Variants in F8 observed in about 807,000 individuals in gnomAD.
F8 encodes antihemophilic factor.
A neutral mutation model predicts 140.6 loss-of-function variants in F8; 12 were observed. That is an observed-to-expected ratio of 0.09 (90% CI 0.05 to 0.14). The LOEUF (loss-of-function observed/expected upper bound fraction) is 0.14. Ranked by LOEUF, F8 falls within the 10% of genes least tolerant of loss-of-function variation. F8 has a pLI of 1.00. For missense variants in F8, 1,354 were observed against 1,720.7 expected, an observed-to-expected ratio of 0.79 and a Z score of 3.77; for synonymous variants, 585 against 614.6, an observed-to-expected ratio of 0.95 and a Z score of 0.71.
intron 1 of F8, among the ~76,000 whole-genome samples, chrX:155,009,749 T>A (rs1304180849): frequency 9.1e-6 from 1 of 109,961 alleles, no homozygotes; most frequent in Admixed American, 9.7e-5. Context: ...AATAAATAAA[T>A]AAATAAATAA....
At chrX:154,871,729 G>A (rs1157959031) in intron 22 of F8, among the ~76,000 whole-genome samples, 1 of 112,152 alleles carries the variant, frequency 8.9e-6, no homozygotes, top group East Asian at 2.8e-4. Context: ...CTTCTGCACA[G>A]CAAAAGAAAC....
chrX:154,860,269 G>A (rs144069929), intron 25 of F8, among the ~76,000 whole-genome samples, 163 bp downstream of exon 25: 106 of 112,075 alleles, frequency 9.5e-4, no homozygotes, highest in African/African-American at 3.3e-3. Context: ...TAAAGTCACT[G>A]TGTTCTCTCA....
intron 22 of F8, among the ~76,000 whole-genome samples, chrX:154,892,276 T>C (rs782203602): frequency 1.5e-4 from 17 of 112,676 alleles, no homozygotes; most frequent in Non-Finnish European, 2.6e-4. Context: ...TGTTCATCAG[T>C]GTTCTTATTT....
intron 25 of F8, among the ~76,000 whole-genome samples, chrX:154,839,645 A>G (rs191005303): frequency 0.011 from 1,248 of 111,443 alleles, 21 homozygotes; most frequent in African/African-American, 0.038. Flanking sequence ...ACCTCTTTAG[A>G]AAGGTCTTCC....
At chrX:154,875,134 C>T (rs2072801987) in intron 22 of F8, among the ~76,000 whole-genome samples, 1 of 111,824 alleles carries the variant, frequency 8.9e-6, no homozygotes, top group Non-Finnish European at 1.9e-5. Context: ...AAGAAAAATA[C>T]TTCATGACCT....
At chrX:154,955,716 G>C (rs2073361837) in intron 11 of F8, among the ~76,000 whole-genome samples, 1 of 111,047 alleles carries the variant, frequency 9.0e-6, no homozygotes, top group Non-Finnish European at 1.9e-5. Flanking sequence ...TGTACGAATA[G>C]GGTGTGGGTC....
At chrX:154,923,308 A>G (rs2073141764) in intron 14 of F8, among the ~76,000 whole-genome samples, 1 of 111,911 alleles carries the variant, frequency 8.9e-6, no homozygotes, top group African/African-American at 3.3e-5. Context: ...TCCCTGGTCA[A>G]TTATCTTCAT....
Position 154,966,355 on chromosome X carries a change from T to C in F8, c.1271+71A>G. The C allele has an allele frequency of 4.3e-6, 5 of 1,154,647 alleles. No homozygotes were observed. In the Admixed American group the frequency reaches 6.8e-5, roughly 16 times the overall value. The stretch of plus-strand genomic sequence containing the variant: ...CCTTAAACATGGCTTCAGGATTTGT[T>C]GGTTTGAATAACTGGTAAGAACTTT... On this transcript the variant is annotated intron_variant, in intron 8 of 25. Transcript: ENST00000360256.
Position 154,974,449 on chromosome X carries a change from T to C in F8, c.788-4897A>G, listed in dbSNP as rs1001305776. Among the ~76,000 whole-genome samples the C allele has an allele frequency of 4.5e-5, 5 of 112,183 alleles. No homozygotes were observed. The Admixed American group carries it at 4.7e-4, about 11-fold the overall frequency. On this transcript the variant is annotated intron_variant, in intron 6 of 25. Transcript: ENST00000360256. The stretch of plus-strand genomic sequence containing the variant: ...TTGCATATGTTAAACCATCCTTACA[T>C]CACTGGGATAAATCCCACCTGATCA...
At chrX:154,975,592 A>C (rs1240642633) in intron 6 of F8, among the ~76,000 whole-genome samples, 1 of 112,331 alleles carries the variant, frequency 8.9e-6, no homozygotes, top group Non-Finnish European at 1.9e-5. Flanking sequence ...TCTACAGTGC[A>C]GTTCAAGTCC....
chrX:154,913,087 T>A lies in F8; in HGVS notation c.5220-6514A>T, dbSNP rs2073076560. Among the ~76,000 whole-genome samples, 3 of 111,410 alleles carry A rather than the reference T, an allele frequency of 2.7e-5. No homozygotes were observed. The Admixed American group carries it at 2.8e-4, about 11-fold the overall frequency. ...ATAATTTTAGATCCTCCTAGATCCT[T>A]AATATAAACAATCAATTAATTGAAA... On this transcript the variant is annotated intron_variant, in intron 14 of 25. Coordinates refer to ENST00000360256, the MANE Select transcript of F8 (RefSeq NM_000132.4).
intron 22 of F8, among the ~76,000 whole-genome samples, chrX:154,880,094 G>A (rs1179334241): frequency 8.9e-6 from 1 of 111,787 alleles, no homozygotes; most frequent in Non-Finnish European, 1.9e-5. Flanking sequence ...ACTAACAATG[G>A]GTTTATCAGG....
chrX:154,848,955 G>T (rs1303969829), intron 25 of F8, among the ~76,000 whole-genome samples: 3 of 111,551 alleles, frequency 2.7e-5, no homozygotes, highest in Non-Finnish European at 5.7e-5. Context: ...CAATTTCAAG[G>T]TGCTATTTTC....
At chrX:154,864,840 G>A (rs1360517462) in intron 22 of F8, among the ~76,000 whole-genome samples, 1 of 110,482 alleles carries the variant, frequency 9.1e-6, no homozygotes, top group Non-Finnish European at 1.9e-5. Flanking sequence ...GAAGAACAGA[G>A]GACTTATGGG....
chrX:154,948,895 G>A (rs1263329454), intron 12 of F8, among the ~76,000 whole-genome samples: 2 of 111,863 alleles, frequency 1.8e-5, no homozygotes, highest in Non-Finnish European at 3.8e-5. Context: ...TAAAAATGCA[G>A]TCTTAATGCA....
At chrX:154,993,832 T>C (rs1380547940) in intron 3 of F8, among the ~76,000 whole-genome samples, 1 of 112,601 alleles carries the variant, frequency 8.9e-6, no homozygotes, top group African/African-American at 3.2e-5. Context: ...GAAAATTTCT[T>C]AAACTTTGTT....
chrX:154,840,904 T>C (rs1212045295), intron 25 of F8, among the ~76,000 whole-genome samples: 1 of 112,060 alleles, frequency 8.9e-6, no homozygotes, highest in African/African-American at 3.2e-5. Context: ...CTAAAGTTGA[T>C]GAGGTTTTCA....
At chrX:154,890,876 C>A (rs1417860249) in intron 22 of F8, among the ~76,000 whole-genome samples, 1 of 112,390 alleles carries the variant, frequency 8.9e-6, no homozygotes, top group African/African-American at 3.2e-5. Context: ...AAAATGGAAG[C>A]TTTCCCACTT....
At chrX:154,871,924 G>A (rs1666413011) in intron 22 of F8, among the ~76,000 whole-genome samples, 1 of 112,378 alleles carries the variant, frequency 8.9e-6, no homozygotes, top group Admixed American at 9.4e-5. Flanking sequence ...AGACATTTAT[G>A]CAGCCAACAG....
Sources: gnomAD v4.1 joint callset for allele counts (sites outside exome capture counted in the v4.1 genomes callset) on GRCh38, gnomAD v4.1.1 for gene constraint, MANE v1.5 for transcripts, NCBI Gene and HGNC (gene_info 2026-07-23, HGNC 2026-07-21) for gene names.